ATP6V1A: variants seen among roughly 807,000 people sequenced by gnomAD.
ATP6V1A encodes the protein ATPase H+ transporting V1 subunit A.
A neutral mutation model predicts 70.1 loss-of-function variants in ATP6V1A; 18 were observed. That is an observed-to-expected ratio of 0.26 (90% CI 0.18 to 0.38). The LOEUF (loss-of-function observed/expected upper bound fraction) is 0.38, where lower values mean the gene tolerates loss of function less well. ATP6V1A is among the 10% of genes least tolerant of loss of function. The pLI is 1.00. For synonymous variants in ATP6V1A, 232 were observed against 253.8 expected (o/e 0.91, Z 0.82); for missense variants, 424 against 772.4 (o/e 0.55, Z 5.35).
intron 6 of ATP6V1A, 49 bp from the exon 7 acceptor site, chr3:113,788,664 A>G: frequency 6.4e-7 from 1 of 1,569,002 alleles, no homozygotes; most frequent in Non-Finnish European, 8.7e-7. Context: ...TTTATTTATT[A>G]ATATCTATTA....
intron 11 of ATP6V1A, among the ~76,000 whole-genome samples, chr3:113,797,324 CTCACTGCAACCTTCA>C (rs1291346330): frequency 6.6e-6 from 1 of 151,600 alleles, no homozygotes; most frequent in Non-Finnish European, 1.5e-5. Context: ...GTGATCTCAG[CTCACTGCAACCTTCA>C]TCTTCCGGGT....
At chr3:113,792,851 A>G (rs566662638) in intron 8 of ATP6V1A, among the ~76,000 whole-genome samples, 1 of 152,188 alleles carries the variant, frequency 6.6e-6, no homozygotes, top group Non-Finnish European at 1.5e-5. Context: ...AGTGAATACC[A>G]TGTACCCAGC....
chr3:113,751,370 A>T (rs901339839), intron 1 of ATP6V1A, among the ~76,000 whole-genome samples: 1 of 151,820 alleles, frequency 6.6e-6, no homozygotes, highest in Non-Finnish European at 1.5e-5. Flanking sequence ...TATAGCTATC[A>T]TGAGTTTATG....
At position 113,805,418 on chromosome 3, in the gene ATP6V1A, C is replaced by G; in HGVS notation, c.1654C>G (p.Arg552Gly). ...SNMIAFYDMA[R>G]RAVETTAQSD... ...CATGATTGCATTTTATGATATGGCT[C>G]GTAGAGCTGTTGAAACCACTGCCCA... The change falls in exon 14 of 15, where the codon CGT becomes GGT. Residue 552 changes from arginine to glycine, a missense_variant. Transcript: ENST00000273398. 6.2e-7 allele frequency: 1 copy of G among 1,613,860 alleles called. No homozygotes were observed. The highest frequency in any genetic ancestry group is 8.5e-7 in the Non-Finnish European group (1 of 1,179,842).
chr3:113,764,465 AAAT>A (rs1160737402), intron 1 of ATP6V1A, among the ~76,000 whole-genome samples: 4 of 152,240 alleles, frequency 2.6e-5, no homozygotes, highest in Middle Eastern at 3.2e-3. Flanking sequence ...ATTAATTGGG[AAAT>A]AATGTCAATC....
intron 1 of ATP6V1A, among the ~76,000 whole-genome samples, chr3:113,772,349 T>C (rs148622856): frequency 6.6e-6 from 1 of 152,148 alleles, no homozygotes; most frequent in African/African-American, 2.4e-5. Flanking sequence ...AAATGAATCC[T>C]GGAGAAAAGA....
chr3:113,786,976 G>T (rs919025224), intron 6 of ATP6V1A, among the ~76,000 whole-genome samples: 3 of 151,986 alleles, frequency 2.0e-5, no homozygotes, highest in African/African-American at 4.8e-5. Flanking sequence ...GACCGGGTTT[G>T]ACTATGTTGC....
intron 11 of ATP6V1A, among the ~76,000 whole-genome samples, chr3:113,797,184 G>A (rs184651020): frequency 0.013 from 1,900 of 151,728 alleles, 11 homozygotes; most frequent in Non-Finnish European, 0.02. Flanking sequence ...TGATCCACCC[G>A]CCTCAGCCTC....
intron 3 of ATP6V1A, 28 bp downstream of exon 3, chr3:113,781,206 A>G (rs1708973057): frequency 6.3e-7 from 1 of 1,586,726 alleles, no homozygotes; most frequent in Non-Finnish European, 8.6e-7. Context: ...ATTTCCTGCC[A>G]CTTTCTATAT....
intron 13 of ATP6V1A, among the ~76,000 whole-genome samples, chr3:113,804,185 G>A (rs905098430): frequency 4.0e-5 from 6 of 151,146 alleles, no homozygotes; most frequent in African/African-American, 1.5e-4. Flanking sequence ...CAGAGACTGA[G>A]TTTTGCCATG....
rs540870583 is a variant in ATP6V1A, at chr3:113,757,820, A to G, written c.-14+10707A>G. ...TTCTAGGGTTAAAATTCTCTTAACA[A>G]ATTTGCATAGGTCAAATAGTCCTTT... On this transcript the variant is annotated intron_variant, in intron 1 of 14. Transcript: ENST00000273398. 1.6e-4 allele frequency among the ~76,000 whole-genome samples: 24 copies of G among 152,334 alleles called. No individual in the cohort carries two copies. In the South Asian group the frequency reaches 4.6e-3, roughly 29 times the overall value.
In ATP6V1A at chr3:113,795,915, A is replaced by G; in HGVS notation, c.1266A>G (p.Thr422=). Residue 422 remains threonine, a synonymous_variant, in exon 11 of 15, where the codon ACA becomes ACG. Transcript: ENST00000273398. The part of the protein sequence containing the change: ...PPGGDFSDPV[T]SATLGIVQVF... Reference sequence around the variant, plus strand: ...GTGGTGATTTTTCTGATCCAGTTACATCTGCCACTCTTGGTATCGTTCAGG... The same window carrying G: ...GTGGTGATTTTTCTGATCCAGTTACGTCTGCCACTCTTGGTATCGTTCAGG... 3 of 1,610,548 alleles carry G rather than the reference A, an allele frequency of 1.9e-6. No homozygotes were observed. Among genetic ancestry groups the G allele is most frequent in the Non-Finnish European group, 2.5e-6 (3 of 1,179,216 alleles).
intron 2 of ATP6V1A, chr3:113,780,595 A>G (rs959505654): frequency 2.5e-6 from 1 of 396,452 alleles, no homozygotes; most frequent in African/African-American, 2.1e-5. Flanking sequence ...GAAAGTAAAC[A>G]TGTTGCTTTA....
chr3:113,775,939 G>GT (rs1190311664), intron 1 of ATP6V1A, among the ~76,000 whole-genome samples: 3 of 152,056 alleles, frequency 2.0e-5, no homozygotes, highest in Admixed American at 2.0e-4. Context: ...TCTTCTTTCT[G>GT]TTTTCCCCCG....
chr3:113,776,767 CTTT>C (rs1708917513), intron 1 of ATP6V1A, among the ~76,000 whole-genome samples: 1 of 152,204 alleles, frequency 6.6e-6, no homozygotes, highest in African/African-American at 2.4e-5. Flanking sequence ...ACAAATCAGT[CTTT>C]ACCCTTACAT....
intron 8 of ATP6V1A, among the ~76,000 whole-genome samples, chr3:113,791,473 TTCTG>T (rs1405539402): frequency 6.6e-5 from 10 of 152,218 alleles, no homozygotes; most frequent in African/African-American, 1.7e-4. Context: ...TATTCTTCTC[TTCTG>T]TCTTTTTCCT....
At chr3:113,782,572 ACG>A (rs1708990193) in intron 3 of ATP6V1A, among the ~76,000 whole-genome samples, 3 of 145,608 alleles carry the variant, frequency 2.1e-5, no homozygotes, top group African/African-American at 7.6e-5. Flanking sequence ...GTATATATAT[ACG>A]TATATATATA....
chr3:113,750,127 C>G (rs1708569397), intron 1 of ATP6V1A, among the ~76,000 whole-genome samples: 1 of 152,108 alleles, frequency 6.6e-6, no homozygotes, highest in Non-Finnish European at 1.5e-5. Flanking sequence ...TTACGTAATG[C>G]TGGGGAGGGG....
chr3:113,751,834 A>G (rs1276902841), intron 1 of ATP6V1A, among the ~76,000 whole-genome samples: 1 of 151,792 alleles, frequency 6.6e-6, no homozygotes, highest in East Asian at 1.9e-4. Flanking sequence ...CTTTAGAATA[A>G]TGATTTATTT....
Sources: allele counts gnomAD v4.1 joint callset (sites outside exome capture counted in the v4.1 genomes callset), GRCh38; gene constraint gnomAD v4.1.1; transcripts MANE v1.5; gene names NCBI Gene and HGNC (gene_info 2026-07-23, HGNC 2026-07-21).